The following COG6 variants were observed in gnomAD, a reference collection of about 807,000 sequenced individuals.
COG6 encodes conserved oligomeric Golgi complex subunit 6.
COG6 carries 74 observed loss-of-function variants against 88.8 expected under a neutral mutation model. That is an observed-to-expected ratio of 0.83 (90% CI 0.69 to 1.01). The LOEUF (loss-of-function observed/expected upper bound fraction) is 1.01, where lower values mean the gene tolerates loss of function less well. Among genes scored for constraint, COG6 ranks in the 50% least tolerant of loss-of-function variants. The probability of loss-of-function intolerance (pLI) is 0.00; values close to 1 mark genes in which losing one functional copy is unlikely to be tolerated. For synonymous variants in COG6, 286 were observed against 278.7 expected, an observed-to-expected ratio of 1.03 and a Z score of -0.26; for missense variants, 800 against 797.9, an observed-to-expected ratio of 1.00 and a Z score of -0.03.
intron 1 of COG6, among the ~76,000 whole-genome samples, chr13:39,657,703 A>G (rs1446522051): frequency 6.6e-6 from 1 of 152,170 alleles, no homozygotes; most frequent in Non-Finnish European, 1.5e-5. Context: ...ACAGTAGTGG[A>G]GGTGTAGAAA....
downstream of COG6, among the ~76,000 whole-genome samples, chr13:39,757,442 G>A (rs1485067759): frequency 6.6e-6 from 1 of 151,688 alleles, no homozygotes; most frequent in Admixed American, 6.6e-5. Context: ...AAGAAAAAAG[G>A]AAATAATAAA....
chr13:39,686,312 A>G (rs1373786098), intron 8 of COG6, among the ~76,000 whole-genome samples: 1 of 152,192 alleles, frequency 6.6e-6, no homozygotes, highest in Non-Finnish European at 1.5e-5. Flanking sequence ...AGAACTTTCA[A>G]TTGAGGGATG....
At chr13:39,749,072 CAATATT>C (rs1331738191) in intron 18 of COG6, among the ~76,000 whole-genome samples, 1 of 152,166 alleles carries the variant, frequency 6.6e-6, no homozygotes, top group African/African-American at 2.4e-5. Flanking sequence ...CAACTTAACA[CAATATT>C]ACTATTACTG....
In COG6 at chr13:39,751,235, T is replaced by C; in HGVS notation, c.*142T>C. ...GATTGTAAGTCCCGATAATTTTTTT[T>C]TTTTTGGTCTCAGTAACAGGGAAGT... is the stretch of plus-strand genomic sequence containing the variant. On this transcript the variant is annotated 3_prime_UTR_variant, in exon 19 of 19. Transcript: ENST00000455146. 1 of 1,516,764 alleles carries C rather than the reference T, an allele frequency of 6.6e-7. No individual in the cohort carries two copies. Among genetic ancestry groups the C allele is most frequent in the Non-Finnish European group, 8.8e-7 (1 of 1,137,860 alleles). 94.0% of individuals were successfully genotyped at this position (1,516,764 alleles called of 1,614,324 possible).
At chr13:39,691,954 G>A (rs1430323182) in intron 11 of COG6, among the ~76,000 whole-genome samples, 1 of 115,002 alleles carries the variant, frequency 8.7e-6, no homozygotes, top group Non-Finnish European at 1.9e-5. Context: ...TTTGGAATAA[G>A]AGATTTTGAT....
At chr13:39,656,769 T>C (rs1015886686) in intron 1 of COG6, 3 of 454,464 alleles carry the variant, frequency 6.6e-6, no homozygotes, top group African/African-American at 6.0e-5. Context: ...ATAGAACCAC[T>C]AAATGTGTGC....
At chr13:39,768,378 G>A (rs1345977234) in intron 18 of COG6, among the ~76,000 whole-genome samples, 1 of 152,196 alleles carries the variant, frequency 6.6e-6, no homozygotes, top group Non-Finnish European at 1.5e-5. Context: ...CACAGGGCGG[G>A]ACAATTGCAA....
At chr13:39,716,138 G>T (rs1237430616) in intron 13 of COG6, among the ~76,000 whole-genome samples, 1 of 151,884 alleles carries the variant, frequency 6.6e-6, no homozygotes, top group Non-Finnish European at 1.5e-5. Context: ...CTTCAATTTT[G>T]TAAGTTTTGG....
chr13:39,782,224 C>T (rs1347628404), intron 18 of COG6, among the ~76,000 whole-genome samples: 1 of 152,220 alleles, frequency 6.6e-6, no homozygotes, highest in African/African-American at 2.4e-5. Context: ...AACTCTTCAG[C>T]TTTCTGCTTC....
At position 39,746,864 on chromosome 13, in the gene COG6, C is replaced by A. The variant is rs371503385; in HGVS notation, c.1827-4082C>A. ...TTCATTTATATACAAATAACTGATA[C>A]GCTTTTATAAATCATATTTTGGGAA... On this transcript the variant is annotated intron_variant, in intron 18 of 18. Transcript: ENST00000455146. Among the ~76,000 whole-genome samples the A allele has an allele frequency of 3.3e-5, 5 of 152,086 alleles. No homozygotes were observed. The South Asian group carries it at 8.3e-4, about 25-fold the overall frequency.
rs548253063 is a variant in COG6, at chr13:39,766,397, C to A, written c.1827-21938C>A. ...TGGAGGTGGAGTAGGGAGAGCCACT[C>A]AGAGGATTCTGGGCATCCAGTCACC... On this transcript the variant is annotated intron_variant, in intron 18 of 18. Coordinates refer to the COG6 transcript ENST00000416691. 1.4e-4 allele frequency among the ~76,000 whole-genome samples: 22 copies of A among 152,284 alleles called. No homozygotes were observed. The South Asian group carries it at 4.2e-3, about 29-fold the overall frequency.
intron 17 of COG6, 23 bp downstream of exon 17, chr13:39,724,584 T>C: frequency 6.5e-7 from 1 of 1,536,528 alleles, no homozygotes; most frequent in Non-Finnish European, 9.0e-7. Context: ...TAAAACATTT[T>C]AATTTAGATT....
At chr13:39,664,260 A>G (rs1449153437) in intron 3 of COG6, 10 of 153,760 alleles carry the variant, frequency 6.5e-5, no homozygotes, top group Non-Finnish European at 1.3e-4. Flanking sequence ...TTCACCTTCT[A>G]TTTTATGTGT....
intron 18 of COG6, among the ~76,000 whole-genome samples, chr13:39,765,373 C>T (rs780475140): frequency 1.3e-5 from 2 of 152,330 alleles, no homozygotes; most frequent in South Asian, 4.1e-4. Flanking sequence ...ACTTATCCTT[C>T]TCTCCCAGAC....
At position 39,682,171 on chromosome 13, in the gene COG6, G is replaced by T. The variant is rs780879386; in HGVS notation, c.695G>T (p.Ser232Ile). Residue 232 changes from serine to isoleucine, a missense_variant and splice_region_variant, in exon 8 of 19, where the codon AGT becomes ATT. By Grantham distance (142) the Ser-to-Ile change is moderately radical. Coordinates refer to ENST00000455146, the MANE Select transcript of COG6 (RefSeq NM_020751.3). ...AGTTATAATGTTAATTATTTTTCAG[G>T]TGAATGCAGAACATTGACACAAGAA... is the stretch of plus-strand genomic sequence containing the variant. ...AYERLYRWAQ[S>I]ECRTLTQESC... is the part of the protein sequence containing the mutation. 1.9e-6 allele frequency: 3 copies of T among 1,600,334 alleles called. No homozygotes were observed. The highest frequency in any genetic ancestry group is 2.6e-6 in the Non-Finnish European group (3 of 1,167,704).
At chr13:39,767,627 G>C (rs1881204387) in intron 18 of COG6, among the ~76,000 whole-genome samples, 1 of 152,174 alleles carries the variant, frequency 6.6e-6, no homozygotes, top group South Asian at 2.1e-4. Context: ...AAGCCTGATT[G>C]TGTACAGACT....
intron 7 of COG6, among the ~76,000 whole-genome samples, chr13:39,681,290 C>T (rs540865922): frequency 6.6e-6 from 1 of 152,206 alleles, no homozygotes; most frequent in Non-Finnish European, 1.5e-5. Flanking sequence ...TTTTCTACCT[C>T]TCTCCTTCTT....
chr13:39,694,762 T>C (rs1287355943), intron 12 of COG6, 37 bp downstream of exon 12: 1 of 1,120,490 alleles, frequency 8.9e-7, no homozygotes, highest in Non-Finnish European at 1.4e-6. Flanking sequence ...CTAAATCCAA[T>C]GTGATATTTC....
chr13:39,775,630 T>C (rs1474886703), intron 18 of COG6, among the ~76,000 whole-genome samples: 1 of 152,162 alleles, frequency 6.6e-6, no homozygotes, highest in Admixed American at 6.5e-5. Flanking sequence ...CTTGAGTGGC[T>C]CACAAAGCCC....
Sources: allele counts gnomAD v4.1 joint callset (sites outside exome capture counted in the v4.1 genomes callset), GRCh38; gene constraint gnomAD v4.1.1; transcripts MANE v1.5; gene names NCBI Gene and HGNC (gene_info 2026-07-23, HGNC 2026-07-21).